FAM222A: variants seen among roughly 807,000 people sequenced by gnomAD.
FAM222A encodes the protein protein FAM222A.
In FAM222A, 7 loss-of-function variants were observed where a neutral mutation model predicts 25.8. That is an observed-to-expected ratio of 0.27 (90% confidence interval 0.15 to 0.51). The LOEUF (loss-of-function observed/expected upper bound fraction) is 0.51, where lower values mean the gene tolerates loss of function less well. FAM222A is among the 20% of genes least tolerant of loss of function. The pLI is 0.97. For missense variants in FAM222A, 573 were observed against 640.5 expected (o/e 0.89, Z 1.14); for synonymous variants, 294 against 298.8 (o/e 0.98, Z 0.17).
Position 109,768,526 on chromosome 12 carries a change from C to T in FAM222A, c.597C>T (p.Ile199=), listed in dbSNP as rs1182173775. 1.9e-6 allele frequency: 3 copies of T among 1,606,298 alleles called. No individual in the cohort carries two copies. The highest frequency in any genetic ancestry group is 2.7e-5 in the African/African-American group (2 of 74,832). Residue 199 remains isoleucine, a synonymous_variant, in exon 3 of 3, where the codon ATC becomes ATT. Transcript: ENST00000538780. The part of the protein sequence containing the change: ...LPLPPSNLPS[I]HSLLYQLNQQ... ...TGCCACCTTCCAACCTGCCCTCCATCCACAGCCTCCTGTACCAGCTCAACC... is the reference window on the plus strand; with the variant it reads ...TGCCACCTTCCAACCTGCCCTCCATTCACAGCCTCCTGTACCAGCTCAACC...
chr12:109,764,642 C>T (rs1888991428), intron 2 of FAM222A, among the ~76,000 whole-genome samples: 1 of 151,758 alleles, frequency 6.6e-6, no homozygotes, highest in Non-Finnish European at 1.5e-5. Context: ...TTTTTTTTTC[C>T]CCGGCAGCTG....
At chr12:109,716,250 G>A (rs577423137) in intron 1 of FAM222A, among the ~76,000 whole-genome samples, 4 of 152,318 alleles carry the variant, frequency 2.6e-5, no homozygotes, top group South Asian at 4.1e-4. Context: ...TCTGGGATTC[G>A]TCTAGGTCCC....
At chr12:109,757,582 A>C (rs1199361140) in intron 2 of FAM222A, among the ~76,000 whole-genome samples, 1 of 152,252 alleles carries the variant, frequency 6.6e-6, no homozygotes, top group African/African-American at 2.4e-5. Context: ...TCTTCGAAGA[A>C]AATGATGGAG....
At chr12:109,722,311 G>A (rs896682859) in intron 1 of FAM222A, among the ~76,000 whole-genome samples, 2 of 152,180 alleles carry the variant, frequency 1.3e-5, no homozygotes, top group Admixed American at 6.5e-5. Context: ...GGGAGCTCTG[G>A]CAGCTCTTTC....
chr12:109,715,803 C>T (rs1887632393), intron 1 of FAM222A, among the ~76,000 whole-genome samples: 2 of 152,236 alleles, frequency 1.3e-5, no homozygotes, highest in African/African-American at 4.8e-5. Flanking sequence ...AGAGACCTCC[C>T]TGAACCCCAC....
At chr12:109,739,814 T>C (rs932881186) in intron 1 of FAM222A, among the ~76,000 whole-genome samples, 2 of 152,218 alleles carry the variant, frequency 1.3e-5, no homozygotes, top group African/African-American at 4.8e-5. Context: ...AAAAGCTATG[T>C]GACCTTGCAC....
chr12:109,758,169 ATGTC>A lies in FAM222A; in HGVS notation c.83-9840_83-9837del, dbSNP rs1488355912. 2.6e-4 allele frequency among the ~76,000 whole-genome samples: 40 copies of A among 152,256 alleles called. No individual in the cohort carries two copies. The East Asian group carries it at 6.9e-3, about 26-fold the overall frequency. ...CTTTGTATGTTGAGGGTGTCCCTGA[ATGTC>A]TGGGCACACATGTGAGCATCTCAGC... On this transcript the variant is annotated intron_variant, in intron 2 of 2. Transcript: ENST00000538780.
chr12:109,769,582 A>C lies in FAM222A; in HGVS notation c.*294A>C. 2.2e-6 allele frequency: 1 copy of C among 452,916 alleles called. No homozygotes were observed. The highest frequency in any genetic ancestry group is 3.9e-6 in the Non-Finnish European group (1 of 253,222). 28.1% of individuals were successfully genotyped at this position (452,916 alleles called of 1,614,324 possible). A position where few individuals can be genotyped will look rare whatever the true frequency, so the allele number is the denominator to read the frequency against. ...AAGCTGGCAGAGGCAGGGAGAGAGA[A>C]ACCACTCAAAAACAGGAATGGTTCT... On this transcript the variant is annotated 3_prime_UTR_variant, in exon 3 of 3. Transcript: ENST00000538780.
chr12:109,735,461 T>C (rs1244221170), intron 1 of FAM222A: 1 of 152,234 alleles, frequency 6.6e-6, no homozygotes, highest in Non-Finnish European at 1.5e-5. Context: ...CTCTTATTGC[T>C]CTTACTATTA....
At position 109,738,438 on chromosome 12, in the gene FAM222A, G is replaced by A. The variant is rs200375108; in HGVS notation, c.-46-5663G>A. ...AGGCTCCTATCTGCCTTTGGAGCAGGCTGTGTGGCCAGGCAGCGTGAAGAG... is the reference window on the plus strand; with the variant it reads ...AGGCTCCTATCTGCCTTTGGAGCAGACTGTGTGGCCAGGCAGCGTGAAGAG... On this transcript the variant is annotated intron_variant, in intron 1 of 2. Transcript: ENST00000538780. Among the ~76,000 whole-genome samples, 3 of 152,200 alleles carry A rather than the reference G, an allele frequency of 2.0e-5. No homozygotes were observed. The East Asian group carries it at 5.8e-4, about 29-fold the overall frequency.
At position 109,769,214 on chromosome 12, in the gene FAM222A, G is replaced by A. The variant is rs2136394657; in HGVS notation, c.1285G>A (p.Gly429Ser). ...PCIKEQMLGK[G>S]YETVAVPRLL... ...CATCAAGGAGCAGATGCTGGGCAAG[G>A]GCTATGAGACGGTGGCCGTGCCCCG... The change falls in exon 3 of 3, where the codon GGC becomes AGC. Residue 429 changes from glycine to serine, a missense_variant. Gly to Ser is a moderately conservative substitution (Grantham distance 56). This residue lies in a region of FAM222A where 49 missense variants were observed against 78.9 expected (regional missense o/e 0.62). Coordinates refer to ENST00000538780, the MANE Select transcript of FAM222A (RefSeq NM_032829.3). 1 of 1,612,194 alleles carries A rather than the reference G, an allele frequency of 6.2e-7. No homozygotes were observed. The highest frequency in any genetic ancestry group is 8.5e-7 in the Non-Finnish European group (1 of 1,179,730).
intron 1 of FAM222A, among the ~76,000 whole-genome samples, chr12:109,728,406 C>T (rs899633127): frequency 3.3e-5 from 5 of 152,170 alleles, no homozygotes; most frequent in Non-Finnish European, 7.3e-5. Flanking sequence ...TCTTCCTAAT[C>T]CCCACTTTGC....
intron 2 of FAM222A, among the ~76,000 whole-genome samples, chr12:109,758,219 T>C (rs532101167): frequency 2.0e-5 from 3 of 152,306 alleles, no homozygotes; most frequent in African/African-American, 7.2e-5. Flanking sequence ...AGCTTGCGTG[T>C]GTGCACATGT....
chr12:109,757,523 A>C (rs1282355549), intron 2 of FAM222A, among the ~76,000 whole-genome samples: 1 of 152,232 alleles, frequency 6.6e-6, no homozygotes, highest in East Asian at 1.9e-4. Context: ...CCCAAAAAGG[A>C]ATCCCAGGCA....
At chr12:109,748,982 A>C (rs1454777343) in intron 2 of FAM222A, among the ~76,000 whole-genome samples, 8 of 152,116 alleles carry the variant, frequency 5.3e-5, no homozygotes, top group Non-Finnish European at 7.4e-5. Context: ...GTCTCTGAGC[A>C]CTTCCGAGCT....
At chr12:109,753,082 A>G (rs1299348030) in intron 2 of FAM222A, among the ~76,000 whole-genome samples, 2 of 152,216 alleles carry the variant, frequency 1.3e-5, no homozygotes, top group Non-Finnish European at 2.9e-5. Flanking sequence ...TATGGAGTTA[A>G]TATGCAAACT....
In FAM222A at chr12:109,769,367, G is replaced by T. The variant is rs73202455; in HGVS notation, c.*79G>T. On this transcript the variant is annotated 3_prime_UTR_variant, in exon 3 of 3. Transcript: ENST00000538780. ...GGCCGCAGAACAGGGTGGGCGGCTC[G>T]CAGGGGCGCTCAGCCCCACCCTGTG... is the stretch of plus-strand genomic sequence containing the variant. 81,180 of 1,460,624 alleles carry T rather than the reference G, an allele frequency of 0.056. 2,617 individuals carry two copies. Among genetic ancestry groups the T allele is most frequent in the Non-Finnish European group, 0.065 (71,039 of 1,095,266 alleles). 90.5% of individuals were successfully genotyped at this position (1,460,624 alleles called of 1,614,324 possible). A position where few individuals can be genotyped will look rare whatever the true frequency, so the allele number is the denominator to read the frequency against.
intron 2 of FAM222A, among the ~76,000 whole-genome samples, chr12:109,764,956 G>T (rs547573604): frequency 1.3e-5 from 2 of 151,728 alleles, no homozygotes; most frequent in South Asian, 2.1e-4. Context: ...GGGCAGAGTC[G>T]GGATGGGGGT....
intron 1 of FAM222A, among the ~76,000 whole-genome samples, chr12:109,729,693 C>T (rs1303345954): frequency 1.3e-5 from 2 of 152,258 alleles, no homozygotes; most frequent in Admixed American, 6.5e-5. Context: ...TGGGAGACGG[C>T]GCCGCCACCC....
Sources: gnomAD v4.1 joint callset for allele counts (sites outside exome capture counted in the v4.1 genomes callset) on GRCh38, gnomAD v4.1.1 for gene constraint, gnomAD v4.1.1 regional missense constraint, MANE v1.5 for transcripts, NCBI Gene and HGNC (gene_info 2026-07-23, HGNC 2026-07-21) for gene names.